NXPE2: variants seen among roughly 807,000 people sequenced by gnomAD.
NXPE2 encodes the protein neurexophilin and PC-esterase domain family member 2.
NXPE2 carries 34 observed loss-of-function variants against 34.4 expected under a neutral mutation model. The observed-to-expected ratio is 0.99, with a 90% confidence interval of 0.75 to 1.31. NXPE2 has a LOEUF of 1.31. Ranked by LOEUF, NXPE2 falls within the 40% of genes most tolerant of loss-of-function variation. NXPE2 has a pLI of 0.00. For synonymous variants in NXPE2, 235 were observed against 231.3 expected, an observed-to-expected ratio of 1.02 and a Z score of -0.15; for missense variants, 649 against 672.5, an observed-to-expected ratio of 0.97 and a Z score of 0.39.
chr11:114,488,168 T>G, the NXPE2 span, among the ~76,000 whole-genome samples: 12 of 152,178 alleles, frequency 7.9e-5, no homozygotes, highest in African/African-American at 2.9e-4. Flanking sequence ...TGTTATGGCT[T>G]CAATATTATT....
chr11:114,476,633 G>T, the NXPE2 span, among the ~76,000 whole-genome samples: 116 of 152,234 alleles, frequency 7.6e-4, no homozygotes, highest in African/African-American at 2.7e-3. Flanking sequence ...TCTTCACAAG[G>T]TGGCAAGAGA....
intron 3 of NXPE2, among the ~76,000 whole-genome samples, chr11:114,702,678 T>C (rs1475995838): frequency 1.3e-5 from 2 of 152,178 alleles, no homozygotes; most frequent in Non-Finnish European, 2.9e-5. Flanking sequence ...CAAAGTCACA[T>C]ATCCAGTTGA....
the NXPE2 span, among the ~76,000 whole-genome samples, chr11:114,807,101 AG>A: frequency 6.6e-6 from 1 of 150,906 alleles, no homozygotes; most frequent in Non-Finnish European, 1.5e-5. Context: ...AAGCTTCATA[AG>A]TGAGGGAGAA....
At chr11:114,739,359 CCTCCCTCCCTCCCTCA>C in the NXPE2 span, among the ~76,000 whole-genome samples, 1 of 71,122 alleles carries the variant, frequency 1.4e-5, no homozygotes, top group East Asian at 5.9e-4. Flanking sequence ...TCTCTCCCTC[CCTCCCTCCCTCCCTCA>C]CTCACTCCTT....
chr11:114,808,886 A>G, the NXPE2 span, among the ~76,000 whole-genome samples: 1 of 152,154 alleles, frequency 6.6e-6, no homozygotes, highest in Non-Finnish European at 1.5e-5. Flanking sequence ...CAGAGACACA[A>G]CAAAAAAAGA....
chr11:114,797,117 G>T, the NXPE2 span, among the ~76,000 whole-genome samples: 1 of 152,138 alleles, frequency 6.6e-6, no homozygotes, highest in Non-Finnish European at 1.5e-5. Context: ...ATTCAGTATC[G>T]CATGACTCAC....
chr11:114,739,341 C>CCT, the NXPE2 span, among the ~76,000 whole-genome samples: 202 of 31,142 alleles, frequency 6.5e-3, 15 homozygotes, highest in East Asian at 0.038. Context: ...CCTTCCTTCC[C>CCT]CCCTTCCTCT....
the NXPE2 span, among the ~76,000 whole-genome samples, chr11:114,661,948 C>G: frequency 1.9e-3 from 284 of 152,220 alleles, 7 homozygotes; most frequent in East Asian, 0.048. Context: ...AAGAAATTAT[C>G]CTGGTAAAAG....
the NXPE2 span, among the ~76,000 whole-genome samples, chr11:114,492,065 T>C: frequency 6.6e-6 from 1 of 152,026 alleles, no homozygotes; most frequent in Non-Finnish European, 1.5e-5. Flanking sequence ...TGCTAAATGA[T>C]GAGTTAATGG....
the NXPE2 span, among the ~76,000 whole-genome samples, chr11:114,479,586 A>T: frequency 2.0e-5 from 3 of 152,100 alleles, no homozygotes; most frequent in African/African-American, 7.2e-5. Context: ...AGCAGTTGGA[A>T]TTGAGGTATA....
chr11:114,536,265 T>C, the NXPE2 span, among the ~76,000 whole-genome samples: 1 of 152,164 alleles, frequency 6.6e-6, no homozygotes, highest in East Asian at 1.9e-4. Flanking sequence ...CCAGAATCTC[T>C]GGGACATATT....
the NXPE2 span, chr11:114,583,887 G>T: frequency 5.1e-6 from 2 of 391,330 alleles, no homozygotes; most frequent in Non-Finnish European, 9.9e-6. Flanking sequence ...GGGGACTTAT[G>T]GGTTATTGGG....
At chr11:114,472,441 T>C in the NXPE2 span, among the ~76,000 whole-genome samples, 1 of 152,054 alleles carries the variant, frequency 6.6e-6, no homozygotes, top group Non-Finnish European at 1.5e-5. Flanking sequence ...AGTTTACAAA[T>C]TTGTGTTGGG....
chr11:114,779,050 A>G, the NXPE2 span, among the ~76,000 whole-genome samples: 1 of 152,218 alleles, frequency 6.6e-6, no homozygotes, highest in Non-Finnish European at 1.5e-5. Flanking sequence ...CTCTGTAGCC[A>G]TCTTTCTTTC....
chr11:114,794,131 C>T, the NXPE2 span, among the ~76,000 whole-genome samples: 1 of 152,182 alleles, frequency 6.6e-6, no homozygotes, highest in Non-Finnish European at 1.5e-5. Context: ...CTGAGTCTCT[C>T]CCGTCGGCTC....
the NXPE2 span, chr11:114,594,840 C>T: frequency 1.2e-5 from 10 of 828,282 alleles, no homozygotes; most frequent in Middle Eastern, 3.4e-4. Context: ...ACATGGGAAA[C>T]ATTTGAAATT....
chr11:114,805,550 C>T, the NXPE2 span, among the ~76,000 whole-genome samples: 3 of 152,254 alleles, frequency 2.0e-5, no homozygotes, highest in African/African-American at 7.2e-5. Flanking sequence ...TATCCCACAC[C>T]TGGCTCAGAG....
the NXPE2 span, among the ~76,000 whole-genome samples, chr11:114,718,872 A>G: frequency 6.6e-6 from 1 of 152,116 alleles, no homozygotes; most frequent in East Asian, 1.9e-4. Flanking sequence ...CTTATGGTGA[A>G]ACTGAACCCC....
chr11:114,693,358 G>C lies in NXPE2; in HGVS notation c.133-4687G>C, dbSNP rs1231988511. Among the ~76,000 whole-genome samples, 3 of 152,198 alleles carry C rather than the reference G, an allele frequency of 2.0e-5. No homozygotes were observed. In the East Asian group the frequency reaches 5.8e-4, roughly 29 times the overall value. ...TTCAAAAGAGCTATCCCACAAAGTG[G>C]TTGATGAACTCCTGGGCTCAACTCT... On this transcript the variant is annotated intron_variant, in intron 2 of 5. Coordinates refer to ENST00000389586, the MANE Select transcript of NXPE2 (RefSeq NM_182495.6).
Sources: gnomAD v4.1 joint callset for allele counts (sites outside exome capture counted in the v4.1 genomes callset) on GRCh38, gnomAD v4.1.1 for gene constraint, MANE v1.5 for transcripts, NCBI Gene and HGNC (gene_info 2026-07-23, HGNC 2026-07-21) for gene names.